The following PECAM1 variants were observed in gnomAD, a reference collection of about 807,000 sequenced individuals.
The protein encoded by PECAM1 is platelet and endothelial cell adhesion molecule 1.
PECAM1 carries 8 observed loss-of-function variants against 13.8 expected under a neutral mutation model. The observed-to-expected ratio is 0.58, with a 90% confidence interval of 0.34 to 1.05. The LOEUF is 1.05. PECAM1 is among the 50% of genes least tolerant of loss of function. The pLI is 0.03. For missense variants in PECAM1, 304 were observed against 141.2 expected, an observed-to-expected ratio of 2.15 and a Z score of -5.84; for synonymous variants, 136 against 52.6, an observed-to-expected ratio of 2.58 and a Z score of -6.86.
chr17:64,322,713 A>G lies in PECAM1; in HGVS notation c.*1103T>C, dbSNP rs2034835287. 4 of 952,320 alleles carry G rather than the reference A, an allele frequency of 4.2e-6. No homozygotes were observed. The highest frequency in any genetic ancestry group is 3.8e-5 in the African/African-American group (2 of 52,150). 59.0% of individuals were successfully genotyped at this position (952,320 alleles called of 1,614,324 possible). On this transcript the variant is annotated 3_prime_UTR_variant, in exon 16 of 16. Coordinates refer to ENST00000563924, the MANE Select transcript of PECAM1 (RefSeq NM_000442.5). ...CAGGAGACCACTTCTTTAGCAAGCA[A>G]TTTTGTTTTTTGTTTTTTTTGAGAT... is the stretch of plus-strand genomic sequence containing the variant.
At chr17:64,334,515 A>G (rs1262111299) in intron 14 of PECAM1, among the ~76,000 whole-genome samples, 3 of 148,198 alleles carry the variant, frequency 2.0e-5, no homozygotes, top group South Asian at 2.1e-4. Context: ...CTGGGCCCCA[A>G]TTTTTTTTTT....
intron 5 of PECAM1, among the ~76,000 whole-genome samples, chr17:64,369,277 G>A (rs2036184515): frequency 6.6e-6 from 1 of 151,938 alleles, no homozygotes; most frequent in African/African-American, 2.4e-5. Flanking sequence ...TCTCATTTGT[G>A]GCCCTGTCAT....
intron 5 of PECAM1, among the ~76,000 whole-genome samples, chr17:64,365,459 T>C (rs1328732190): frequency 8.7e-5 from 13 of 149,682 alleles, no homozygotes; most frequent in Admixed American, 6.0e-4. Flanking sequence ...CTTCACAGAA[T>C]TGGAAAAAAC....
intron 14 of PECAM1, among the ~76,000 whole-genome samples, chr17:64,330,020 C>T (rs954508): frequency 0.091 from 13,812 of 151,602 alleles, 1,027 homozygotes; most frequent in African/African-American, 0.21. Flanking sequence ...AGTGTGGTGG[C>T]GCCATCTTGG....
intron 3 of PECAM1, among the ~76,000 whole-genome samples, chr17:64,376,636 AG>A (rs1396772853): frequency 6.6e-6 from 1 of 152,210 alleles, no homozygotes; most frequent in Non-Finnish European, 1.5e-5. Context: ...ACTATCCAGA[AG>A]AGCAGACAGA....
At chr17:64,358,276 G>A (rs1490167571) in intron 7 of PECAM1, among the ~76,000 whole-genome samples, 3 of 151,800 alleles carry the variant, frequency 2.0e-5, no homozygotes, top group African/African-American at 4.8e-5. Flanking sequence ...CCACCACCAC[G>A]CTGGGCTAAT....
intron 14 of PECAM1, among the ~76,000 whole-genome samples, chr17:64,339,144 G>A (rs1016403711): frequency 6.6e-6 from 1 of 152,118 alleles, no homozygotes; most frequent in African/African-American, 2.4e-5. Context: ...CGAGGCAGAG[G>A]TGGTAAGGAG....
intron 9 of PECAM1, among the ~76,000 whole-genome samples, chr17:64,353,992 T>C (rs2035793239): frequency 6.7e-6 from 1 of 148,898 alleles, no homozygotes; most frequent in African/African-American, 2.5e-5. Context: ...CAGGCTGGAG[T>C]GCAGTGATGT....
intron 8 of PECAM1, 24 bp from the exon 9 acceptor site, chr17:64,355,064 AT>A (rs1367293143): frequency 1.1e-5 from 5 of 474,444 alleles, no homozygotes; most frequent in Admixed American, 3.2e-5. Flanking sequence ...AAAACAAAAA[AT>A]TTTTTTTGTA....
intron 15 of PECAM1, among the ~76,000 whole-genome samples, chr17:64,326,010 G>C (rs1322982151): frequency 6.6e-6 from 1 of 152,196 alleles, no homozygotes; most frequent in African/African-American, 2.4e-5. Context: ...TGCAGAAGGG[G>C]TTCAGAGGCA....
intron 7 of PECAM1, among the ~76,000 whole-genome samples, chr17:64,358,786 C>T (rs1023707432): frequency 6.6e-6 from 1 of 151,502 alleles, no homozygotes; most frequent in Non-Finnish European, 1.5e-5. Flanking sequence ...GGTGCTTAGT[C>T]TATGTTAATG....
At chr17:64,352,529 C>A (rs1242698218) in intron 10 of PECAM1, 66 bp from the exon 11 acceptor site, 3 of 414,626 alleles carry the variant, frequency 7.2e-6, no homozygotes, top group Admixed American at 4.3e-5. Context: ...TTGTTCTAAC[C>A]CCAAACCACC....
chr17:64,385,872 A>G (rs1445013357), intron 2 of PECAM1, among the ~76,000 whole-genome samples: 1 of 152,186 alleles, frequency 6.6e-6, no homozygotes, highest in Non-Finnish European at 1.5e-5. Context: ...CCCATTACAG[A>G]AACCAGAGTG....
chr17:64,382,173 C>T (rs959970545), intron 2 of PECAM1, among the ~76,000 whole-genome samples: 2 of 152,202 alleles, frequency 1.3e-5, no homozygotes, highest in Non-Finnish European at 2.9e-5. Context: ...CCCTCCCAAC[C>T]ACTCTCTTCC....
chr17:64,333,502 G>A (rs1308452722), intron 14 of PECAM1, among the ~76,000 whole-genome samples: 3 of 152,020 alleles, frequency 2.0e-5, no homozygotes, highest in Admixed American at 6.6e-5. Context: ...CATGTTTAGC[G>A]GTATCCCTGG....
At chr17:64,361,129 A>ATATGTGTGTG (rs1481740689) in intron 6 of PECAM1, among the ~76,000 whole-genome samples, 3 of 137,178 alleles carry the variant, frequency 2.2e-5, no homozygotes, top group Non-Finnish European at 4.6e-5. Context: ...CTGAGCATAT[A>ATATGTGTGTG]TGTGTGTGTG....
chr17:64,381,957 G>A (rs918411078), intron 2 of PECAM1, among the ~76,000 whole-genome samples: 14 of 152,170 alleles, frequency 9.2e-5, no homozygotes, highest in Middle Eastern at 3.4e-3. Flanking sequence ...AAAATTAGCC[G>A]GGTGTGGTGG....
intron 15 of PECAM1, among the ~76,000 whole-genome samples, chr17:64,327,658 ATC>A (rs1451669127): frequency 6.6e-6 from 1 of 152,210 alleles, no homozygotes; most frequent in Non-Finnish European, 1.5e-5. Flanking sequence ...CTTCCATGCT[ATC>A]TGTCTGCGTC....
At chr17:64,381,169 A>G (rs2036473997) in intron 2 of PECAM1, among the ~76,000 whole-genome samples, 1 of 152,194 alleles carries the variant, frequency 6.6e-6, no homozygotes, top group South Asian at 2.1e-4. Flanking sequence ...AATTTCACAA[A>G]GTGTTCCAAC....
Sources: gnomAD v4.1 joint callset for allele counts (sites outside exome capture counted in the v4.1 genomes callset) on GRCh38, gnomAD v4.1.1 for gene constraint, MANE v1.5 for transcripts, NCBI Gene and HGNC (gene_info 2026-07-23, HGNC 2026-07-21) for gene names.